MICAL2: variants seen among roughly 807,000 people sequenced by gnomAD.
MICAL2 encodes the protein [F-actin]-monooxygenase MICAL2.
Under a neutral mutation model 127.3 loss-of-function variants are expected in MICAL2, and 77 were observed. That is an observed-to-expected ratio of 0.60 (90% CI 0.50 to 0.73). The LOEUF (loss-of-function observed/expected upper bound fraction) is 0.73. Among genes scored for constraint, MICAL2 ranks in the 30% least tolerant of loss-of-function variants. The pLI is 0.00. For synonymous variants in MICAL2, 570 were observed against 551.1 expected, an observed-to-expected ratio of 1.03 and a Z score of -0.48; for missense variants, 1,351 against 1,434.4, an observed-to-expected ratio of 0.94 and a Z score of 0.94.
chr11:12,215,055 T>A (rs192172764), intron 7 of MICAL2, among the ~76,000 whole-genome samples: 14 of 152,344 alleles, frequency 9.2e-5, no homozygotes, highest in African/African-American at 3.4e-4. Context: ...AGCTTGAATA[T>A]TTCCTGCCAG....
chr11:12,152,297 C>CAAAAAAAAAAAAAAAAAAA (rs540812572), intron 2 of MICAL2, among the ~76,000 whole-genome samples: 2 of 38,394 alleles, frequency 5.2e-5, no homozygotes, highest in Non-Finnish European at 8.8e-5. Context: ...GACTCTGTCT[C>CAAAAAAAAAAAAAAAAAAA]AAAAAAAAAA....
intron 4 of MICAL2, 85 bp downstream of exon 4, chr11:12,204,542 G>A: frequency 7.3e-7 from 1 of 1,376,930 alleles, no homozygotes; most frequent in Non-Finnish European, 1.0e-6. Context: ...GGAGTCCCCA[G>A]CTTGTTCCAT....
chr11:12,298,180 AG>A (rs1864008847), intron 29 of MICAL2, among the ~76,000 whole-genome samples: 2 of 152,078 alleles, frequency 1.3e-5, no homozygotes, highest in South Asian at 4.1e-4. Context: ...TGTGACCCTC[AG>A]GAATATTTTA....
chr11:12,243,842 CAG>C (rs1860325616), intron 20 of MICAL2, 143 bp from the exon 21 acceptor site: 3 of 924,530 alleles, frequency 3.2e-6, no homozygotes, highest in Admixed American at 2.2e-5. Context: ...GCTCCAAAGA[CAG>C]GGGTTTCTGT....
rs779833874 is a variant in MICAL2 at position 12,227,094 on chromosome 11, A to G, written c.1958A>G (p.Tyr653Cys). The G allele has an allele frequency of 1.2e-6, 2 of 1,614,000 alleles. No individual in the cohort carries two copies. Among genetic ancestry groups the G allele is most frequent in the African/African-American group, 1.3e-5 (1 of 75,020 alleles). ...SLAKSSISNNYLNLTFPRKRT... is the reference protein window; with the variant it reads ...SLAKSSISNNCLNLTFPRKRT... ...GCCAAATCATCCATTTCTAATAACT[A>G]TCTCAACCTCACATTTCCAAGGAAG... The change falls in exon 15 of 28, where the codon TAT becomes TGT. Residue 653 changes from tyrosine (Y) to cysteine (C), a missense_variant. This residue lies in a region of MICAL2 where 752 missense variants were observed against 719.4 expected (regional missense o/e 1.05). Coordinates refer to ENST00000683283, the MANE Select transcript of MICAL2 (RefSeq NM_001282663.2).
At position 12,279,473 on chromosome 11, in the gene MICAL2, G is replaced by T. The variant is rs541748704; in HGVS notation, c.88-1460G>T. Among the ~76,000 whole-genome samples, 17 of 152,300 alleles carry T rather than the reference G, an allele frequency of 1.1e-4. No individual in the cohort carries two copies. The East Asian group carries it at 1.9e-3, about 17-fold the overall frequency. On this transcript the variant is annotated intron_variant, in intron 1 of 2. Transcript: ENST00000529028. ...ATTCTGATGCCCAGAGAAGGGAAAT[G>T]ACCTGCCCTGGATCACACAGCCTTC...
At chr11:12,268,114 C>T (rs545339330), downstream of MICAL2, among the ~76,000 whole-genome samples, 87 of 152,344 alleles carry the variant, frequency 5.7e-4, no homozygotes, top group South Asian at 0.016. Flanking sequence ...GCAGCCATCT[C>T]GGGCTGGGGA....
intron 29 of MICAL2, chr11:12,303,489 C>T (rs1864072844): frequency 6.6e-6 from 1 of 152,124 alleles, no homozygotes. Flanking sequence ...TTACATTTCA[C>T]TTTAACCATT....
chr11:12,261,305 G>T, intron 26 of MICAL2: 1 of 985,542 alleles, frequency 1.0e-6, no homozygotes, highest in South Asian at 4.7e-5. Context: ...ACCTCCAGGG[G>T]AAGCTCTACC....
At position 12,319,914 on chromosome 11, in the gene MICAL2, G is replaced by T. The variant is rs944855071; in HGVS notation, c.5328+103G>T. On this transcript the variant is annotated intron_variant, in intron 30 of 34. Coordinates refer to the MICAL2 transcript ENST00000646065. ...GCTCCAGCTGCAGTGGTTTCCTTAG[G>T]AGGATCATGTTTCATTGCATCTGAC... The T allele has an allele frequency of 1.1e-5, 9 of 808,992 alleles. No homozygotes were observed. The South Asian group carries it at 1.2e-4, about 11-fold the overall frequency. 50.1% of individuals were successfully genotyped at this position (808,992 alleles called of 1,614,324 possible).
chr11:12,265,068 G>A (rs868596756), downstream of MICAL2, among the ~76,000 whole-genome samples: 13 of 152,290 alleles, frequency 8.5e-5, no homozygotes, highest in African/African-American at 2.4e-4. Context: ...TTGTCAAAGC[G>A]TGACACCCCA....
chr11:12,356,292 C>A (rs1454680466), intron 34 of MICAL2, among the ~76,000 whole-genome samples: 2 of 152,216 alleles, frequency 1.3e-5, no homozygotes, highest in African/African-American at 4.8e-5. Flanking sequence ...AAAATAGGAA[C>A]TCTTTACCCC....
chr11:12,207,920 C>CT, intron 4 of MICAL2, 103 bp from the exon 5 acceptor site: 1 of 852,674 alleles, frequency 1.2e-6, no homozygotes, highest in Non-Finnish European at 2.0e-6. Context: ...TGGTATACTG[C>CT]TGTGCTCAAA....
chr11:12,180,927 T>C (rs1312583701), intron 3 of MICAL2, among the ~76,000 whole-genome samples: 45 of 90,050 alleles, frequency 5.0e-4, no homozygotes, highest in South Asian at 3.9e-3. Context: ...CCTTCTTTTT[T>C]TTTTTTTTTT....
chr11:12,260,002 A>G (rs1008710914), intron 26 of MICAL2, 105 bp downstream of exon 26: 3 of 1,552,878 alleles, frequency 1.9e-6, no homozygotes, highest in East Asian at 2.4e-5. Flanking sequence ...TGGCCTCCAT[A>G]TCAGGGACAA....
At chr11:12,221,136 C>G (rs984228831) in intron 9 of MICAL2, among the ~76,000 whole-genome samples, 1 of 152,110 alleles carries the variant, frequency 6.6e-6, no homozygotes, top group African/African-American at 2.4e-5. Flanking sequence ...TGGTTGAGCC[C>G]TCAGTTCCCA....
chr11:12,275,829 C>T (rs747367295), upstream of MICAL2, among the ~76,000 whole-genome samples: 3 of 152,292 alleles, frequency 2.0e-5, no homozygotes, highest in Non-Finnish European at 2.9e-5. Context: ...CTGGCAGGCT[C>T]GGGGGTGAGG....
At position 12,239,426 on chromosome 11, in the gene MICAL2, A is replaced by G. The variant is rs747581176; in HGVS notation, c.2065-10A>G. Reference sequence around the variant, plus strand: ...ATCCAACCATCAGTGTCCCGTTTCAACCTTTGCAGCCTTCAAACTTTTCCA... The same window carrying G: ...ATCCAACCATCAGTGTCCCGTTTCAGCCTTTGCAGCCTTCAAACTTTTCCA... On this transcript the variant is annotated splice_polypyrimidine_tract_variant and intron_variant, in intron 16 of 27. Coordinates refer to ENST00000683283, the MANE Select transcript of MICAL2 (RefSeq NM_001282663.2). 6.2e-7 allele frequency: 1 copy of G among 1,613,890 alleles called. No individual in the cohort carries two copies. Among genetic ancestry groups the G allele is most frequent in the Non-Finnish European group, 8.5e-7 (1 of 1,180,026 alleles).
At chr11:12,286,219 A>G (rs910800983) in intron 2 of MICAL2, among the ~76,000 whole-genome samples, 2 of 152,194 alleles carry the variant, frequency 1.3e-5, no homozygotes, top group Non-Finnish European at 2.9e-5. Flanking sequence ...GGGCCACAGC[A>G]ATGATGGTCC....
Sources: gnomAD v4.1 joint callset for allele counts (sites outside exome capture counted in the v4.1 genomes callset) on GRCh38, gnomAD v4.1.1 for gene constraint, gnomAD v4.1.1 regional missense constraint, MANE v1.5 for transcripts, NCBI Gene and HGNC (gene_info 2026-07-23, HGNC 2026-07-21) for gene names.